WIPF1: variants seen among roughly 807,000 people sequenced by gnomAD.
The protein encoded by WIPF1 is WAS/WASL-interacting protein family member 1.
A neutral mutation model predicts 35.4 loss-of-function variants in WIPF1; 13 were observed. That is an observed-to-expected ratio of 0.37 (90% CI 0.24 to 0.58). The LOEUF is 0.58. WIPF1 is among the 20% of genes least tolerant of loss of function. The probability of loss-of-function intolerance (pLI) is 0.74; values close to 1 mark genes in which losing one functional copy is unlikely to be tolerated. For missense variants in WIPF1, 591 were observed against 667.0 expected, an observed-to-expected ratio of 0.89 and a Z score of 1.25; for synonymous variants, 267 against 266.3, an observed-to-expected ratio of 1.00 and a Z score of -0.02.
intron 1 of WIPF1, among the ~76,000 whole-genome samples, chr2:174,643,944 T>G (rs764745283): frequency 6.6e-6 from 1 of 152,232 alleles, no homozygotes; most frequent in African/African-American, 2.4e-5. Flanking sequence ...TATTTTGCTA[T>G]ACATATGACT....
At chr2:174,681,783 A>C (rs567365106) in intron 1 of WIPF1, among the ~76,000 whole-genome samples, 21 of 152,270 alleles carry the variant, frequency 1.4e-4, no homozygotes, top group Admixed American at 4.6e-4. Flanking sequence ...AGCCAACTTG[A>C]GAGGCTTCCC....
chr2:174,578,805 A>G (rs577042203), intron 3 of WIPF1, among the ~76,000 whole-genome samples: 58 of 152,258 alleles, frequency 3.8e-4, no homozygotes, highest in Non-Finnish European at 7.9e-4. Flanking sequence ...ACCTAACAGG[A>G]TAAATCATAT....
At chr2:174,662,038 C>CA (rs1687771424) in intron 1 of WIPF1, among the ~76,000 whole-genome samples, 1 of 152,168 alleles carries the variant, frequency 6.6e-6, no homozygotes, top group Non-Finnish European at 1.5e-5. Flanking sequence ...CCCAAGTTGA[C>CA]AGAGTCATCC....
chr2:174,614,436 T>C (rs929410864), intron 1 of WIPF1, among the ~76,000 whole-genome samples: 5 of 152,212 alleles, frequency 3.3e-5, no homozygotes, highest in Non-Finnish European at 7.3e-5. Context: ...CGTCTGGGAA[T>C]GTTTTCAGAG....
At chr2:174,578,292 T>C (rs1192059985) in intron 3 of WIPF1, among the ~76,000 whole-genome samples, 2 of 152,208 alleles carry the variant, frequency 1.3e-5, no homozygotes, top group African/African-American at 4.8e-5. Context: ...GCTGCCTTTG[T>C]CAAGTTTTGA....
At chr2:174,615,893 C>T (rs1210153141) in intron 1 of WIPF1, among the ~76,000 whole-genome samples, 1 of 152,144 alleles carries the variant, frequency 6.6e-6, no homozygotes, top group Non-Finnish European at 1.5e-5. Flanking sequence ...TGACAGCCCA[C>T]CCTCTATTTG....
In WIPF1 at chr2:174,561,796, T is replaced by C. The variant is rs1684491381; in HGVS notation, c.*751A>G. 1.3e-5 allele frequency: 4 copies of C among 316,068 alleles called. No homozygotes were observed. The South Asian group carries it at 1.6e-4, about 12-fold the overall frequency. 19.6% of individuals were successfully genotyped at this position (316,068 alleles called of 1,614,324 possible). On this transcript the variant is annotated 3_prime_UTR_variant, in exon 8 of 8. Transcript: ENST00000679041. ...TCTAATCCAGTAGCCACCAGCCACA[T>C]GTGGCTACTGAGCACTTAAAAATGT...
At chr2:174,564,821 A>G (rs938962860) in intron 7 of WIPF1, among the ~76,000 whole-genome samples, 1 of 149,686 alleles carries the variant, frequency 6.7e-6, no homozygotes, top group African/African-American at 2.5e-5. Context: ...TGGTGCACAC[A>G]CACACACACA....
At chr2:174,602,177 C>T (rs1469878400), upstream of WIPF1, among the ~76,000 whole-genome samples, 1 of 152,152 alleles carries the variant, frequency 6.6e-6, no homozygotes, top group Admixed American at 6.5e-5. Context: ...AATAGGCTCG[C>T]AGACCAATCA....
intron 3 of WIPF1, among the ~76,000 whole-genome samples, chr2:174,580,139 T>TG (rs1685188067): frequency 1.3e-5 from 2 of 151,960 alleles, no homozygotes; most frequent in African/African-American, 4.8e-5. Context: ...TTAGTAGAGA[T>TG]GGGGTTTTAC....
intron 1 of WIPF1, among the ~76,000 whole-genome samples, chr2:174,654,098 T>C (rs892005408): frequency 6.6e-6 from 1 of 152,238 alleles, no homozygotes; most frequent in African/African-American, 2.4e-5. Flanking sequence ...ATCAAACATA[T>C]GACAGAGGCA....
intron 1 of WIPF1, among the ~76,000 whole-genome samples, chr2:174,674,515 T>C (rs1313126098): frequency 6.6e-6 from 1 of 151,954 alleles, no homozygotes; most frequent in Non-Finnish European, 1.5e-5. Context: ...TCAAGTGTTT[T>C]GTTTTATTTC....
At chr2:174,651,954 C>A (rs771732726) in intron 1 of WIPF1, among the ~76,000 whole-genome samples, 1 of 152,176 alleles carries the variant, frequency 6.6e-6, no homozygotes, top group Admixed American at 6.5e-5. Flanking sequence ...ATGCCTGGTA[C>A]AAGGCTAGGA....
intron 1 of WIPF1, among the ~76,000 whole-genome samples, chr2:174,643,221 A>G (rs1427672438): frequency 6.7e-6 from 1 of 149,438 alleles, no homozygotes; most frequent in African/African-American, 2.6e-5. Context: ...ATGATCTTTT[A>G]AAAAAATTGT....
chr2:174,674,903 T>TACACAC (rs35062209), intron 1 of WIPF1, among the ~76,000 whole-genome samples: 31 of 134,022 alleles, frequency 2.3e-4, no homozygotes, highest in South Asian at 1.7e-3. Flanking sequence ...CAGGTTCAAA[T>TACACAC]ACACACACAC....
At chr2:174,581,144 G>T in intron 3 of WIPF1, 166 bp downstream of exon 3, 1 of 925,096 alleles carries the variant, frequency 1.1e-6, no homozygotes, top group Non-Finnish European at 1.6e-6. Flanking sequence ...GGGAACCCAA[G>T]CCAAAGCTGC....
intron 1 of WIPF1, among the ~76,000 whole-genome samples, chr2:174,661,582 T>C (rs1687760073): frequency 6.6e-6 from 1 of 152,138 alleles, no homozygotes; most frequent in Admixed American, 6.5e-5. Context: ...CGTATCCCTA[T>C]CATTCTTCAT....
intron 1 of WIPF1, among the ~76,000 whole-genome samples, chr2:174,618,216 A>ACCAGGCCAG (rs1686568897): frequency 6.6e-6 from 1 of 152,234 alleles, no homozygotes; most frequent in Non-Finnish European, 1.5e-5. Context: ...GGTCAACTGG[A>ACCAGGCCAG]CCAGGCCAGC....
rs1233036282 is a variant in WIPF1, at chr2:174,590,671, T to C, written c.-38-5060A>G. Among the ~76,000 whole-genome samples the C allele has an allele frequency of 2.0e-5, 3 of 152,194 alleles. No individual in the cohort carries two copies. Among genetic ancestry groups the C allele is most frequent in the African/African-American group, 4.8e-5 (2 of 41,446 alleles). Reference sequence around the variant, plus strand: ...GCCTGTGTCCGGCTTCCCAGACTAGTTGGGCTCTCAGTAGTGTCGGATCAC... The same window carrying C: ...GCCTGTGTCCGGCTTCCCAGACTAGCTGGGCTCTCAGTAGTGTCGGATCAC... On this transcript the variant is annotated intron_variant, in intron 1 of 7. Coordinates refer to ENST00000679041, the MANE Select transcript of WIPF1 (RefSeq NM_001375834.1). This position sits in a 1 kb window ranked among gnomAD's most constrained non-coding sequence, Gnocchi z 4.6.
Sources: allele counts gnomAD v4.1 joint callset (sites outside exome capture counted in the v4.1 genomes callset), GRCh38; gene constraint gnomAD v4.1.1; non-coding constraint Gnocchi (gnomAD v3.1); transcripts MANE v1.5; gene names NCBI Gene and HGNC (gene_info 2026-07-23, HGNC 2026-07-21).